Variants in RNFT2 observed in about 807,000 individuals in gnomAD.
RNFT2 encodes the protein E3 ubiquitin-protein ligase RNFT2.
In RNFT2, 36 loss-of-function variants were observed where a neutral mutation model predicts 53.0. That is an observed-to-expected ratio of 0.68 (90% CI 0.52 to 0.90). RNFT2 has a LOEUF of 0.90. Ranked by LOEUF, RNFT2 falls within the 40% of genes least tolerant of loss-of-function variation. RNFT2 has a pLI of 0.00. For synonymous variants in RNFT2, 260 were observed against 253.2 expected (o/e 1.03, Z -0.26); for missense variants, 514 against 585.6 (o/e 0.88, Z 1.26).
intron 7 of RNFT2, among the ~76,000 whole-genome samples, chr12:116,781,261 C>A (rs1417320041): frequency 6.6e-6 from 1 of 152,104 alleles, no homozygotes; most frequent in Non-Finnish European, 1.5e-5. Flanking sequence ...TCTTTCTCAC[C>A]CTGCTCTCTG....
At chr12:116,798,881 C>T (rs1030187849) in intron 7 of RNFT2, among the ~76,000 whole-genome samples, 1 of 152,102 alleles carries the variant, frequency 6.6e-6, no homozygotes, top group Non-Finnish European at 1.5e-5. Flanking sequence ...CCAATCATAA[C>T]AGTACCTACA....
chr12:116,785,293 G>GTTTGT (rs141129361), intron 7 of RNFT2, among the ~76,000 whole-genome samples: 9 of 146,258 alleles, frequency 6.2e-5, no homozygotes, highest in African/African-American at 2.3e-4. Context: ...GGGGTTGTTT[G>GTTTGT]TTTGTTTTGT....
chr12:116,848,944 G>A (rs772621523), intron 10 of RNFT2, among the ~76,000 whole-genome samples: 6 of 151,908 alleles, frequency 3.9e-5, no homozygotes, highest in South Asian at 2.1e-4. Flanking sequence ...TCAGCCTCCC[G>A]AGTAGCTGGG....
chr12:116,795,133 C>T (rs570156251), intron 7 of RNFT2, among the ~76,000 whole-genome samples: 6 of 151,214 alleles, frequency 4.0e-5, no homozygotes, highest in East Asian at 1.9e-4. Flanking sequence ...AGGCCGGGCC[C>T]GGTGGCTCAT....
intron 7 of RNFT2, chr12:116,800,967 A>T (rs1874765648): frequency 6.6e-6 from 1 of 152,182 alleles, no homozygotes; most frequent in African/African-American, 2.4e-5. Flanking sequence ...ACTGGGTGAC[A>T]ATAAGAATAA....
intron 7 of RNFT2, among the ~76,000 whole-genome samples, chr12:116,804,431 G>A (rs542286137): frequency 4.2e-4 from 64 of 152,308 alleles, no homozygotes; most frequent in African/African-American, 1.5e-3. Context: ...TTATTAATAT[G>A]TGTAGCTCTA....
intron 10 of RNFT2, among the ~76,000 whole-genome samples, chr12:116,846,265 T>C (rs1415196630): frequency 6.6e-6 from 1 of 150,752 alleles, no homozygotes; most frequent in Non-Finnish European, 1.5e-5. Context: ...CCAAGTGCCT[T>C]CTTTTTTATA....
chr12:116,744,612 C>T (rs182942905), intron 3 of RNFT2, among the ~76,000 whole-genome samples: 4 of 152,302 alleles, frequency 2.6e-5, no homozygotes, highest in Admixed American at 6.5e-5. Flanking sequence ...TTTTGGCTGC[C>T]TAGTGTCTGA....
chr12:116,835,380 A>G (rs1018344649), intron 8 of RNFT2, among the ~76,000 whole-genome samples: 4 of 152,206 alleles, frequency 2.6e-5, no homozygotes, highest in Admixed American at 2.6e-4. Flanking sequence ...TCAAATTAGT[A>G]TGTAGTGCTT....
intron 6 of RNFT2, among the ~76,000 whole-genome samples, chr12:116,768,918 A>G (rs1043643848): frequency 6.6e-6 from 1 of 151,796 alleles, no homozygotes; most frequent in Non-Finnish European, 1.5e-5. Flanking sequence ...TTTAGTAGAG[A>G]AAGTGTTTTG....
intron 7 of RNFT2, chr12:116,801,172 G>A (rs959441518): frequency 6.6e-6 from 1 of 152,200 alleles, no homozygotes; most frequent in Non-Finnish European, 1.5e-5. Flanking sequence ...AAAGCCAGGG[G>A]GTGCTGAGCC....
chr12:116,764,121 A>G (rs1872810453), intron 5 of RNFT2, among the ~76,000 whole-genome samples: 2 of 152,208 alleles, frequency 1.3e-5, no homozygotes, highest in African/African-American at 2.4e-5. Context: ...AACCTTTTGT[A>G]TGTTCTCACT....
Position 116,740,522 on chromosome 12 carries a change from G to T in RNFT2, c.24+1G>T. 1.3e-6 allele frequency: 2 copies of T among 1,570,660 alleles called. No homozygotes were observed. On this transcript the variant is annotated splice_donor_variant, in intron 2 of 10. Coordinates refer to ENST00000257575, the MANE Select transcript of RNFT2 (RefSeq NM_001382266.1). LOFTEE classifies it high-confidence loss of function. ...CATGTGGCTCTTCACAGTGAATCAG[G>T]TGACACGTCTCCAAGAGAATTTGCA...
chr12:116,792,824 G>A (rs1874319652), intron 7 of RNFT2, among the ~76,000 whole-genome samples: 1 of 152,114 alleles, frequency 6.6e-6, no homozygotes. Flanking sequence ...CGGCACAGAT[G>A]CTCTTTGCTG....
intron 10 of RNFT2, among the ~76,000 whole-genome samples, chr12:116,843,208 G>C (rs1004896588): frequency 2.0e-5 from 3 of 151,978 alleles, no homozygotes; most frequent in Non-Finnish European, 4.4e-5. Context: ...ACAATCCAAG[G>C]CCAGCTGGGC....
chr12:116,795,563 C>T (rs1056866079), intron 7 of RNFT2, among the ~76,000 whole-genome samples: 6 of 152,274 alleles, frequency 3.9e-5, no homozygotes, highest in African/African-American at 1.4e-4. Context: ...GCACCAACCA[C>T]GTTTCAAGGG....
At chr12:116,836,886 T>C (rs536012813) in intron 10 of RNFT2, among the ~76,000 whole-genome samples, 3 of 151,842 alleles carry the variant, frequency 2.0e-5, no homozygotes, top group Non-Finnish European at 4.4e-5. Context: ...GCCGAGGTCA[T>C]GCCACTGCAC....
chr12:116,834,293 A>G (rs1439316565), intron 8 of RNFT2, among the ~76,000 whole-genome samples: 2 of 151,842 alleles, frequency 1.3e-5, no homozygotes, highest in African/African-American at 4.8e-5. Context: ...AATTTTTTGT[A>G]TATTTAGTAG....
At chr12:116,794,046 A>G (rs1168118824) in intron 7 of RNFT2, among the ~76,000 whole-genome samples, 2 of 151,538 alleles carry the variant, frequency 1.3e-5, no homozygotes, top group Non-Finnish European at 2.9e-5. Context: ...TGGGAGGATC[A>G]CTTGAGCCTA....
Sources: allele counts gnomAD v4.1 joint callset (sites outside exome capture counted in the v4.1 genomes callset), GRCh38; gene constraint gnomAD v4.1.1; transcripts MANE v1.5; gene names NCBI Gene and HGNC (gene_info 2026-07-23, HGNC 2026-07-21).